Variants in BBX observed in about 807,000 individuals in gnomAD.
The protein encoded by BBX is BBX high mobility group box domain containing, also known as HMG box transcription factor BBX.
In BBX, 30 loss-of-function variants were observed where a neutral mutation model predicts 100.2. That is an observed-to-expected ratio of 0.30 (90% CI 0.22 to 0.41). The LOEUF (loss-of-function observed/expected upper bound fraction) is 0.41. BBX is among the 10% of genes least tolerant of loss of function. The probability of loss-of-function intolerance (pLI) is 1.00; values close to 1 mark genes in which losing one functional copy is unlikely to be tolerated. For missense variants in BBX, 1,023 were observed against 1,129.8 expected, an observed-to-expected ratio of 0.91 and a Z score of 1.35; for synonymous variants, 376 against 388.1, an observed-to-expected ratio of 0.97 and a Z score of 0.37.
intron 3 of BBX, among the ~76,000 whole-genome samples, chr3:107,683,690 C>T (rs1230288564): frequency 2.0e-5 from 3 of 152,206 alleles, no homozygotes; most frequent in Admixed American, 1.3e-4. Context: ...TTTATGGATG[C>T]GTCCCAAAAG....
intron 2 of BBX, among the ~76,000 whole-genome samples, chr3:107,622,294 C>T (rs751200768): frequency 1.3e-5 from 2 of 152,164 alleles, no homozygotes; most frequent in Non-Finnish European, 2.9e-5. Context: ...CTGTGCTTAT[C>T]AGTAGTTCGT....
chr3:107,525,862 T>C (rs2047732022), intron 1 of BBX, among the ~76,000 whole-genome samples: 1 of 152,174 alleles, frequency 6.6e-6, no homozygotes, highest in Non-Finnish European at 1.5e-5. Context: ...AGGGCTTCGA[T>C]ACCTGGACCC....
chr3:107,694,138 A>C (rs1458373124), intron 3 of BBX, among the ~76,000 whole-genome samples: 108 of 121,092 alleles, frequency 8.9e-4, no homozygotes, highest in Non-Finnish European at 1.6e-3. Flanking sequence ...TGTCGTCTGC[A>C]AACAGGGACA....
chr3:107,681,870 G>A (rs1476321150), intron 3 of BBX, among the ~76,000 whole-genome samples: 4 of 151,960 alleles, frequency 2.6e-5, no homozygotes, highest in Non-Finnish European at 4.4e-5. Context: ...AGCAACAGGG[G>A]GGCTATAAAT....
At chr3:107,622,413 C>T (rs1004673648) in intron 2 of BBX, among the ~76,000 whole-genome samples, 3 of 152,036 alleles carry the variant, frequency 2.0e-5, no homozygotes, top group African/African-American at 2.4e-5. Context: ...TTTATGTTAG[C>T]GTAACTTTTG....
chr3:107,561,306 A>G (rs926609760), intron 2 of BBX, among the ~76,000 whole-genome samples: 1 of 152,240 alleles, frequency 6.6e-6, no homozygotes, highest in Non-Finnish European at 1.5e-5. Context: ...GTGAGGACAC[A>G]TTGGTCAATC....
chr3:107,716,738 A>T lies in BBX; in HGVS notation c.294A>T (p.Val98=), dbSNP rs1228301179. Residue 98 remains valine, a synonymous_variant, in exon 5 of 18, where the codon GTA becomes GTT. Transcript: ENST00000325805. The part of the protein sequence containing the change: ...LLFCKRHRSL[V]RQEHPRLDNR... ...TTTGCAAACGCCATCGCTCTCTTGTACGTCAGGAACACCCCAGGCTTGATA... is the reference window on the plus strand; with the variant it reads ...TTTGCAAACGCCATCGCTCTCTTGTTCGTCAGGAACACCCCAGGCTTGATA... 6.2e-7 allele frequency: 1 copy of T among 1,613,736 alleles called. No individual in the cohort carries two copies. Among genetic ancestry groups the T allele is most frequent in the African/African-American group, 1.3e-5 (1 of 74,910 alleles).
chr3:107,683,260 T>C (rs2059663796), intron 3 of BBX, among the ~76,000 whole-genome samples: 1 of 152,116 alleles, frequency 6.6e-6, no homozygotes, highest in East Asian at 1.9e-4. Flanking sequence ...CCCCCCTGCT[T>C]CCGATTTTAG....
At chr3:107,724,286 C>T (rs1311991856) in intron 5 of BBX, among the ~76,000 whole-genome samples, 1 of 152,022 alleles carries the variant, frequency 6.6e-6, no homozygotes, top group Non-Finnish European at 1.5e-5. Flanking sequence ...TGTTTGAGTT[C>T]ATTGTAGATT....
chr3:107,744,723 A>G lies in BBX; in HGVS notation c.750+13A>G. 1 of 1,598,930 alleles carries G rather than the reference A, an allele frequency of 6.3e-7. No individual in the cohort carries two copies. The highest frequency in any genetic ancestry group is 1.1e-5 in the South Asian group (1 of 90,762). On this transcript the variant is annotated intron_variant, in intron 8 of 17. Transcript: ENST00000325805. Reference sequence around the variant, plus strand: ...TCAGTTTGCCGAGGTAATATATTACAATTGATACTTAACTAATGAGGAAAT... The same window carrying G: ...TCAGTTTGCCGAGGTAATATATTACGATTGATACTTAACTAATGAGGAAAT...
chr3:107,693,895 C>T (rs2060372698), intron 3 of BBX, among the ~76,000 whole-genome samples: 6 of 150,076 alleles, frequency 4.0e-5, no homozygotes, highest in African/African-American at 1.3e-4. Context: ...TTGTAGTTCT[C>T]CTTGAAGAGG....
At chr3:107,670,398 G>A (rs1312974222) in intron 3 of BBX, among the ~76,000 whole-genome samples, 1 of 152,072 alleles carries the variant, frequency 6.6e-6, no homozygotes, top group Admixed American at 6.6e-5. Context: ...ATAATATATA[G>A]TTTCAAATAG....
At chr3:107,712,888 T>C (rs2061825070) in intron 4 of BBX, among the ~76,000 whole-genome samples, 1 of 152,274 alleles carries the variant, frequency 6.6e-6, no homozygotes, top group Admixed American at 6.5e-5. Flanking sequence ...GGGGGAGGGA[T>C]TAAAGTCATT....
At chr3:107,568,404 A>G (rs1337257055) in intron 2 of BBX, among the ~76,000 whole-genome samples, 4 of 151,832 alleles carry the variant, frequency 2.6e-5, no homozygotes, top group Non-Finnish European at 5.9e-5. Flanking sequence ...AGCTGGGACT[A>G]CAGGTGCCCG....
At chr3:107,657,190 C>G (rs568086345) in intron 3 of BBX, 14 of 152,230 alleles carry the variant, frequency 9.2e-5, no homozygotes, top group African/African-American at 3.1e-4. Flanking sequence ...AACATTCATT[C>G]TTCTGTAGTG....
chr3:107,590,122 A>G (rs2053193738), intron 2 of BBX, among the ~76,000 whole-genome samples: 1 of 152,168 alleles, frequency 6.6e-6, no homozygotes. Context: ...TTTTATAAAT[A>G]ATCATTTCGT....
rs747486694 is a variant in BBX, at chr3:107,728,761, A to G, written c.406-4A>G. ...AAATCTGCTGTCTGTCGTTTTATTT[A>G]TAGTATAAGGATGCATTTATGAAAG... On this transcript the variant is annotated splice_polypyrimidine_tract_variant and splice_region_variant and intron_variant, in intron 5 of 17. Transcript: ENST00000325805. The G allele has an allele frequency of 2.5e-6, 4 of 1,596,504 alleles. No individual in the cohort carries two copies. Among genetic ancestry groups the G allele is most frequent in the South Asian group, 2.3e-5 (2 of 87,660 alleles).
At chr3:107,597,542 G>A (rs956752935) in intron 2 of BBX, among the ~76,000 whole-genome samples, 1 of 151,978 alleles carries the variant, frequency 6.6e-6, no homozygotes, top group Non-Finnish European at 1.5e-5. Context: ...AAAGAGTTCA[G>A]CATATTTTTC....
intron 2 of BBX, among the ~76,000 whole-genome samples, chr3:107,605,989 T>G (rs2054407022): frequency 6.6e-6 from 1 of 152,164 alleles, no homozygotes; most frequent in Non-Finnish European, 1.5e-5. Context: ...ACCTATTACT[T>G]TCGAAAAGCT....
Sources: allele counts gnomAD v4.1 joint callset (sites outside exome capture counted in the v4.1 genomes callset), GRCh38; gene constraint gnomAD v4.1.1; transcripts MANE v1.5; gene names NCBI Gene and HGNC (gene_info 2026-07-23, HGNC 2026-07-21).